MIS18A: variants seen among roughly 807,000 people sequenced by gnomAD.
MIS18A encodes MIS18 kinetochore protein A, also known as protein Mis18-alpha.
MIS18A carries 14 observed loss-of-function variants against 25.0 expected under a neutral mutation model. That is an observed-to-expected ratio of 0.56 (90% confidence interval 0.37 to 0.88). The LOEUF (loss-of-function observed/expected upper bound fraction) is 0.88, where lower values mean the gene tolerates loss of function less well. Among genes scored for constraint, MIS18A ranks in the 40% least tolerant of loss-of-function variants. The pLI is 0.00. For missense variants in MIS18A, 292 were observed against 290.8 expected (o/e 1.00, Z -0.03); for synonymous variants, 134 against 118.6 (o/e 1.13, Z -0.84).
At chr21:32,264,653 GT>G (rs1056515405), downstream of MIS18A, among the ~76,000 whole-genome samples, 1 of 152,122 alleles carries the variant, frequency 6.6e-6, no homozygotes, top group African/African-American at 2.4e-5. Flanking sequence ...TGGATTTCTG[GT>G]TGCTACCCCC....
At chr21:32,199,196 C>A in the MIS18A span, among the ~76,000 whole-genome samples, 2 of 152,218 alleles carry the variant, frequency 1.3e-5, no homozygotes, top group African/African-American at 2.4e-5. Context: ...AAGCCTATAT[C>A]TGCGCTTTTA....
At chr21:32,258,496 T>C in the MIS18A span, among the ~76,000 whole-genome samples, 14 of 152,282 alleles carry the variant, frequency 9.2e-5, no homozygotes, top group South Asian at 2.3e-3. Flanking sequence ...GTGAACAGGC[T>C]GGACACGATG....
the MIS18A span, among the ~76,000 whole-genome samples, chr21:32,159,752 T>G: frequency 1.3e-5 from 2 of 152,174 alleles, no homozygotes; most frequent in African/African-American, 2.4e-5. Context: ...AAGTGGGGGC[T>G]TCCAGGCTAT....
intron 2 of MIS18A, 39 bp from the exon 3 acceptor site, chr21:32,270,568 G>C (rs1376907230): frequency 6.7e-7 from 1 of 1,482,954 alleles, no homozygotes; most frequent in African/African-American, 1.4e-5. Context: ...AAACGAAGCA[G>C]CAACTCATTA....
the MIS18A span, among the ~76,000 whole-genome samples, chr21:32,183,438 C>G: frequency 5.9e-5 from 9 of 152,194 alleles, no homozygotes; most frequent in Non-Finnish European, 8.8e-5. Context: ...TTGCACCTGT[C>G]TTTTCTCATA....
the MIS18A span, among the ~76,000 whole-genome samples, chr21:32,198,680 A>T: frequency 6.6e-6 from 1 of 152,266 alleles, no homozygotes; most frequent in African/African-American, 2.4e-5. Flanking sequence ...CCCAAGTGGC[A>T]CTGTCTCCCA....
At chr21:32,270,362 T>C in intron 3 of MIS18A, 45 bp downstream of exon 3, 1 of 1,609,012 alleles carries the variant, frequency 6.2e-7, no homozygotes, top group African/African-American at 1.3e-5. Context: ...GCCTTAACTT[T>C]CTGAAACACC....
chr21:32,179,201 C>G, the MIS18A span, among the ~76,000 whole-genome samples: 52 of 152,074 alleles, frequency 3.4e-4, no homozygotes, highest in Non-Finnish European at 6.2e-4. Context: ...GTTCCCAACC[C>G]ACACAAGAAC....
the MIS18A span, among the ~76,000 whole-genome samples, chr21:32,222,849 T>C: frequency 3.4e-5 from 5 of 148,680 alleles, no homozygotes; most frequent in South Asian, 2.1e-4. Context: ...GAGAACAGTG[T>C]GAACCTGGCA....
At chr21:32,226,979 A>T in the MIS18A span, among the ~76,000 whole-genome samples, 1 of 152,182 alleles carries the variant, frequency 6.6e-6, no homozygotes, top group African/African-American at 2.4e-5. Context: ...TTCTAAAAAA[A>T]TCAGTGGCTC....
the MIS18A span, among the ~76,000 whole-genome samples, chr21:32,239,148 T>C: frequency 2.6e-5 from 4 of 152,226 alleles, no homozygotes; most frequent in Non-Finnish European, 5.9e-5. Flanking sequence ...ACAAATGCCA[T>C]GCTTCAATAG....
chr21:32,246,364 G>A, the MIS18A span, among the ~76,000 whole-genome samples: 2 of 152,006 alleles, frequency 1.3e-5, no homozygotes, highest in East Asian at 3.9e-4. Context: ...CACGCCCTTC[G>A]GTACGCCCCT....
At chr21:32,267,228 ACTGT>A (rs1285268690), downstream of MIS18A, among the ~76,000 whole-genome samples, 2 of 152,226 alleles carry the variant, frequency 1.3e-5, no homozygotes, top group Non-Finnish European at 1.5e-5. Flanking sequence ...AAAGATGAAG[ACTGT>A]CTTATGAAAC....
At chr21:32,193,791 C>T in the MIS18A span, among the ~76,000 whole-genome samples, 1 of 151,854 alleles carries the variant, frequency 6.6e-6, no homozygotes, top group Non-Finnish European at 1.5e-5. Context: ...TGTACTTCTG[C>T]AAATGACCAA....
At chr21:32,240,846 C>T in the MIS18A span, among the ~76,000 whole-genome samples, 7 of 152,194 alleles carry the variant, frequency 4.6e-5, no homozygotes, top group South Asian at 2.1e-4. Context: ...TACTGCAGAG[C>T]GTATTTGCAT....
intron 2 of MIS18A, among the ~76,000 whole-genome samples, chr21:32,272,994 G>A (rs1420700037): frequency 1.3e-5 from 2 of 152,140 alleles, no homozygotes; most frequent in African/African-American, 2.4e-5. Context: ...TACCAAATGA[G>A]AAATGATCTG....
the MIS18A span, among the ~76,000 whole-genome samples, chr21:32,186,241 C>T: frequency 1.3e-5 from 2 of 152,200 alleles, no homozygotes; most frequent in East Asian, 3.9e-4. Context: ...GAGAGATTTT[C>T]AGAGACTCTG....
At chr21:32,196,896 G>A in the MIS18A span, among the ~76,000 whole-genome samples, 1 of 152,156 alleles carries the variant, frequency 6.6e-6, no homozygotes, top group Non-Finnish European at 1.5e-5. Context: ...TTTCTCTGGG[G>A]TGCCCTAACA....
At position 32,279,042 on chromosome 21, in the gene MIS18A, C is replaced by T. The variant is rs773655726; in HGVS notation, c.-28G>A. ...CCTACAAATCGCCCGCGCCCCAGAG[C>T]GCCATGGGAAAAAAAACCGCCGCTG... On this transcript the variant is annotated 5_prime_UTR_variant, in exon 1 of 5. Transcript: ENST00000290130. 24 of 1,561,266 alleles carry T rather than the reference C, an allele frequency of 1.5e-5. No homozygotes were observed. The highest frequency in any genetic ancestry group is 1.2e-4 in the African/African-American group (9 of 73,428).
Sources: allele counts gnomAD v4.1 joint callset (sites outside exome capture counted in the v4.1 genomes callset), GRCh38; gene constraint gnomAD v4.1.1; transcripts MANE v1.5; gene names NCBI Gene and HGNC (gene_info 2026-07-23, HGNC 2026-07-21).